LRRC8D: variants seen among roughly 807,000 people sequenced by gnomAD.
The protein encoded by LRRC8D is leucine rich repeat containing 8 VRAC subunit D, also known as volume-regulated anion channel subunit LRRC8D.
LRRC8D carries 20 observed loss-of-function variants against 55.8 expected under a neutral mutation model. That is an observed-to-expected ratio of 0.36 (90% CI 0.25 to 0.52). The LOEUF is 0.52. LRRC8D is among the 20% of genes least tolerant of loss of function. The probability of loss-of-function intolerance (pLI) is 0.93; values close to 1 mark genes in which losing one functional copy is unlikely to be tolerated. For missense variants in LRRC8D, 651 were observed against 1,030.8 expected (o/e 0.63, Z 5.05); for synonymous variants, 352 against 377.0 (o/e 0.93, Z 0.77).
intron 1 of LRRC8D, among the ~76,000 whole-genome samples, chr1:89,836,351 G>A (rs1182691804): frequency 3.3e-5 from 5 of 152,182 alleles, no homozygotes; most frequent in Non-Finnish European, 7.4e-5. Context: ...AATAATGTTA[G>A]TTCAAGTTTT....
At chr1:89,887,004 G>A (rs941816225) in intron 2 of LRRC8D, among the ~76,000 whole-genome samples, 4 of 152,118 alleles carry the variant, frequency 2.6e-5, no homozygotes, top group Admixed American at 2.6e-4. Context: ...ATGGGTGTGT[G>A]CTGATTTGGT....
In LRRC8D at chr1:89,821,038, C is replaced by A; in HGVS notation, c.-401C>A. 6.6e-6 allele frequency: 1 copy of A among 151,948 alleles called. No individual in the cohort carries two copies. Among genetic ancestry groups the A allele is most frequent in the South Asian group, 1.8e-4 (1 of 5,510 alleles). The allele number at this position is 151,948 out of a possible 1,614,324, so 9.4% of individuals were successfully genotyped here. On this transcript the variant is annotated 5_prime_UTR_variant, in exon 1 of 3. Coordinates refer to ENST00000337338, the MANE Select transcript of LRRC8D (RefSeq NM_001134479.2). Reference sequence around the variant, plus strand: ...TCCATGTTACGCTTTGTCTAATTCCCCTCGTTACAGAGTCATGTGCTGCTG... The same window carrying A: ...TCCATGTTACGCTTTGTCTAATTCCACTCGTTACAGAGTCATGTGCTGCTG...
At chr1:89,837,956 C>G (rs188961838) in intron 1 of LRRC8D, among the ~76,000 whole-genome samples, 1 of 152,242 alleles carries the variant, frequency 6.6e-6, no homozygotes, top group East Asian at 1.9e-4. Flanking sequence ...CTTATGAACT[C>G]TGAAAGTCAT....
intron 2 of LRRC8D, among the ~76,000 whole-genome samples, chr1:89,907,183 CTTTTTTTTTT>C (rs71584958): frequency 4.3e-5 from 3 of 69,774 alleles, no homozygotes; most frequent in Admixed American, 2.1e-4. Context: ...TCCACTGTGT[CTTTTTTTTTT>C]TTTTTTTTTT....
chr1:89,886,096 A>G (rs1188968557), intron 2 of LRRC8D, among the ~76,000 whole-genome samples: 1 of 152,232 alleles, frequency 6.6e-6, no homozygotes, highest in Non-Finnish European at 1.5e-5. Context: ...AATCTGTTCC[A>G]TATTATACCT....
At chr1:89,891,199 A>G (rs1570862946) in intron 2 of LRRC8D, among the ~76,000 whole-genome samples, 1 of 152,200 alleles carries the variant, frequency 6.6e-6, no homozygotes, top group South Asian at 2.1e-4. Context: ...GTCTTTCATA[A>G]CATCAACACT....
At chr1:89,909,024 G>C (rs937535941) in intron 2 of LRRC8D, among the ~76,000 whole-genome samples, 2 of 150,050 alleles carry the variant, frequency 1.3e-5, no homozygotes, top group African/African-American at 5.0e-5. Context: ...GTGTGTTTGC[G>C]TGTGTGTGTG....
intron 2 of LRRC8D, among the ~76,000 whole-genome samples, chr1:89,912,904 A>G (rs1663171079): frequency 6.6e-6 from 1 of 152,134 alleles, no homozygotes; most frequent in South Asian, 2.1e-4. Context: ...TAGTAGTTGG[A>G]GGTTTTATTA....
intron 2 of LRRC8D, among the ~76,000 whole-genome samples, chr1:89,892,806 C>T (rs923030609): frequency 2.0e-5 from 3 of 152,210 alleles, no homozygotes; most frequent in African/African-American, 4.8e-5. Flanking sequence ...AGGCGTGAGC[C>T]ACTGTGCCTG....
At chr1:89,861,333 T>C (rs529259107) in intron 2 of LRRC8D, among the ~76,000 whole-genome samples, 46 of 152,358 alleles carry the variant, frequency 3.0e-4, no homozygotes, top group African/African-American at 1.1e-3. Context: ...GATTATCATG[T>C]GACTTTAACA....
intron 2 of LRRC8D, among the ~76,000 whole-genome samples, chr1:89,873,238 G>A (rs901166450): frequency 6.6e-6 from 1 of 152,128 alleles, no homozygotes; most frequent in African/African-American, 2.4e-5. Flanking sequence ...CAAAGCTGTC[G>A]ATGCAAAGTT....
chr1:89,901,164 T>A (rs933977812), intron 2 of LRRC8D, among the ~76,000 whole-genome samples: 3 of 152,156 alleles, frequency 2.0e-5, no homozygotes, highest in Non-Finnish European at 1.5e-5. Context: ...ACAGGCAGCA[T>A]TGGGGCAGGA....
intron 2 of LRRC8D, among the ~76,000 whole-genome samples, chr1:89,895,966 A>G (rs1262419938): frequency 6.6e-6 from 1 of 152,246 alleles, no homozygotes; most frequent in Non-Finnish European, 1.5e-5. Context: ...TACATAATAT[A>G]TGTCTCCTCC....
chr1:89,890,704 A>T (rs1282053496), intron 2 of LRRC8D, among the ~76,000 whole-genome samples: 2 of 152,224 alleles, frequency 1.3e-5, no homozygotes, highest in East Asian at 3.8e-4. Context: ...CATACCGTAG[A>T]ACAATTCTAG....
At chr1:89,827,274 CAA>C (rs1407775484) in intron 1 of LRRC8D, among the ~76,000 whole-genome samples, 1 of 147,398 alleles carries the variant, frequency 6.8e-6, no homozygotes, top group Non-Finnish European at 1.5e-5. Context: ...CACTTGAACT[CAA>C]GAGGCGGAGT....
chr1:89,840,184 G>A (rs1439406748), intron 1 of LRRC8D, among the ~76,000 whole-genome samples: 1 of 152,066 alleles, frequency 6.6e-6, no homozygotes, highest in African/African-American at 2.4e-5. Flanking sequence ...ATGAGGTTGT[G>A]ATTTTAATAT....
chr1:89,858,285 T>A (rs1661612375), intron 2 of LRRC8D, among the ~76,000 whole-genome samples: 2 of 152,186 alleles, frequency 1.3e-5, no homozygotes, highest in Non-Finnish European at 2.9e-5. Context: ...TGTTTGCTGT[T>A]ATGAAATATC....
intron 2 of LRRC8D, among the ~76,000 whole-genome samples, chr1:89,868,556 A>T (rs924614932): frequency 2.0e-5 from 3 of 151,990 alleles, no homozygotes; most frequent in Non-Finnish European, 4.4e-5. Flanking sequence ...AGGCACATCA[A>T]TTTTTTACAA....
intron 2 of LRRC8D, among the ~76,000 whole-genome samples, chr1:89,851,373 C>T (rs1231600607): frequency 1.3e-5 from 2 of 152,190 alleles, no homozygotes; most frequent in East Asian, 1.9e-4. Context: ...TTACTTTGCT[C>T]TAGTCTTCTC....
Sources: gnomAD v4.1 joint callset for allele counts (sites outside exome capture counted in the v4.1 genomes callset) on GRCh38, gnomAD v4.1.1 for gene constraint, MANE v1.5 for transcripts, NCBI Gene and HGNC (gene_info 2026-07-23, HGNC 2026-07-21) for gene names.